KCNQ1OT1: variants seen among roughly 807,000 people sequenced by gnomAD.
KCNQ1OT1 encodes KCNQ1 opposite strand/antisense transcript 1, also known as KCNQ1 antisense RNA 2 (non-protein coding).
At position 2,674,814 on chromosome 11, in the gene KCNQ1OT1, A is replaced by G; in HGVS notation, n.25181T>C. 1 of 359,858 alleles carries G rather than the reference A, an allele frequency of 2.8e-6. No individual in the cohort carries two copies. The highest frequency in any genetic ancestry group is 1.6e-4 in the South Asian group (1 of 6,408). The allele number at this position is 359,858 out of a possible 1,614,324, so 22.3% of individuals were successfully genotyped here. On this transcript the variant is annotated non_coding_transcript_exon_variant, in exon 1 of 1. Coordinates refer to ENST00000597346, the Ensembl canonical transcript of KCNQ1OT1. The surrounding 1 kb of genome is among the most constrained non-coding windows in gnomAD (Gnocchi z 5.9). The stretch of plus-strand genomic sequence containing the variant: ...CTGCTGGCCTTTGGAAAGGCTTGTC[A>G]CCCTAATAGCTGTTTTTTAAAAAAA...
chr11:2,618,358 T>C (rs902032782), exon 1 of KCNQ1OT1: 2 of 398,490 alleles, frequency 5.0e-6, no homozygotes, highest in African/African-American at 4.1e-5. Context: ...CAAATTTGTG[T>C]TGGGCCTCAT....
At chr11:2,675,268 A>G (rs1327664160) in exon 1 of KCNQ1OT1, 1 of 398,506 alleles carries the variant, frequency 2.5e-6, no homozygotes, top group Non-Finnish European at 4.4e-6. Context: ...AAGTGAAGAT[A>G]ACTCACCTCT....
At chr11:2,641,132 G>C (rs149851648) in exon 1 of KCNQ1OT1, 1 of 398,312 alleles carries the variant, frequency 2.5e-6, no homozygotes, top group Non-Finnish European at 4.4e-6. Flanking sequence ...TAAACACGGG[G>C]ATGCAGGTAC....
chr11:2,618,196 G>A, exon 1 of KCNQ1OT1: 1 of 398,440 alleles, frequency 2.5e-6, no homozygotes, highest in South Asian at 1.3e-4. Context: ...TTATTTCTAT[G>A]TATGGTGTAA....
chr11:2,667,930 C>T (rs1850112308), exon 1 of KCNQ1OT1: 4 of 398,696 alleles, frequency 1.0e-5, no homozygotes, highest in Non-Finnish European at 1.8e-5. Context: ...ATGTGTGCAG[C>T]ACCCGGAGGA....
exon 1 of KCNQ1OT1, chr11:2,672,971 C>A: frequency 2.5e-6 from 1 of 398,760 alleles, no homozygotes; most frequent in South Asian, 1.3e-4. Context: ...AGCTGAGTCC[C>A]CTGCAGGCCT....
exon 1 of KCNQ1OT1, chr11:2,631,674 C>G (rs1291702404): frequency 4.8e-5 from 19 of 398,428 alleles, no homozygotes; most frequent in Non-Finnish European, 1.3e-5. Flanking sequence ...TTGAAATCTG[C>G]TCACTTGATG....
At chr11:2,633,229 A>T in exon 1 of KCNQ1OT1, 1 of 398,510 alleles carries the variant, frequency 2.5e-6, no homozygotes, top group Non-Finnish European at 4.4e-6. Context: ...TCTAAATCAG[A>T]TAATCTGGTG....
chr11:2,627,436 C>A lies in KCNQ1OT1; in HGVS notation n.72559G>T, dbSNP rs1353590855. On this transcript the variant is annotated non_coding_transcript_exon_variant, in exon 1 of 1. Coordinates refer to ENST00000597346, the Ensembl canonical transcript of KCNQ1OT1. This position sits in a 1 kb window ranked among gnomAD's most constrained non-coding sequence, Gnocchi z 4.9. ...TTCATCTGATAACTCTATGTTTGTA[C>A]CCTTCAACATTTCCTATTTCCCCTA... 1 of 398,324 alleles carries A rather than the reference C, an allele frequency of 2.5e-6. No individual in the cohort carries two copies. Among genetic ancestry groups the A allele is most frequent in the Non-Finnish European group, 4.4e-6 (1 of 226,010 alleles). 24.7% of individuals were successfully genotyped at this position (398,324 alleles called of 1,614,324 possible).
Position 2,671,741 on chromosome 11 carries a change from G to A in KCNQ1OT1, n.28254C>T. ...GTAGGCAAGGCTTTTCAGAGAACAA[G>A]GAGCTACATACACATACATGCATGC... is the stretch of plus-strand genomic sequence containing the variant. On this transcript the variant is annotated non_coding_transcript_exon_variant, in exon 1 of 1. Coordinates refer to ENST00000597346, the Ensembl canonical transcript of KCNQ1OT1. The surrounding 1 kb of genome is among the most constrained non-coding windows in gnomAD (Gnocchi z 4.7). The A allele has an allele frequency of 2.5e-6, 1 of 398,664 alleles. No individual in the cohort carries two copies. The highest frequency in any genetic ancestry group is 3.6e-5 in the East Asian group (1 of 28,072). The allele number at this position is 398,664 out of a possible 1,614,324, so 24.7% of individuals were successfully genotyped here.
exon 1 of KCNQ1OT1, chr11:2,641,662 TTGTTTTTGTCTG>T: frequency 2.5e-6 from 1 of 398,454 alleles, no homozygotes; most frequent in Non-Finnish European, 4.4e-6. Flanking sequence ...TTGTCTATTT[TTGTTTTTGTCTG>T]TGTTTTTGAG....
At chr11:2,644,613 G>C (rs566601740) in exon 1 of KCNQ1OT1, 1 of 398,422 alleles carries the variant, frequency 2.5e-6, no homozygotes, top group South Asian at 1.3e-4. Flanking sequence ...GTCATGTTTT[G>C]CCTTTTCATG....
chr11:2,675,055 G>T, exon 1 of KCNQ1OT1: 1 of 398,694 alleles, frequency 2.5e-6, no homozygotes, highest in Non-Finnish European at 4.4e-6. Context: ...GGGATGCCAA[G>T]GGCAGAGCCC....
chr11:2,676,603 G>C lies in KCNQ1OT1; in HGVS notation n.23392C>G, dbSNP rs1420846079. 1 of 398,572 alleles carries C rather than the reference G, an allele frequency of 2.5e-6. No homozygotes were observed. The highest frequency in any genetic ancestry group is 2.1e-5 in the African/African-American group (1 of 48,634). The allele number at this position is 398,572 out of a possible 1,614,324, so 24.7% of individuals were successfully genotyped here. ...GGTATTCAACAGCCAGCTCTCCAAA[G>C]AGGCCTCTAAGAAATGGGTAGCTTC... On this transcript the variant is annotated non_coding_transcript_exon_variant, in exon 1 of 1. Coordinates refer to ENST00000597346, the Ensembl canonical transcript of KCNQ1OT1. This position sits in a 1 kb window ranked among gnomAD's most constrained non-coding sequence, Gnocchi z 4.2.
chr11:2,685,204 G>C (rs1358829523), exon 1 of KCNQ1OT1: 1 of 398,486 alleles, frequency 2.5e-6, no homozygotes, highest in Non-Finnish European at 4.4e-6. Flanking sequence ...GGGATGGCTG[G>C]CACAGCTCAC....
chr11:2,649,614 T>G, exon 1 of KCNQ1OT1: 1 of 398,614 alleles, frequency 2.5e-6, no homozygotes, highest in Non-Finnish European at 4.4e-6. Flanking sequence ...CTTGCAGCAC[T>G]TTTAATATGG....
rs1391378874 is a variant in KCNQ1OT1, at chr11:2,621,424, C to G, written n.78571G>C. On this transcript the variant is annotated non_coding_transcript_exon_variant, in exon 1 of 1. Coordinates refer to ENST00000597346, the Ensembl canonical transcript of KCNQ1OT1. The surrounding 1 kb of genome is among the most constrained non-coding windows in gnomAD (Gnocchi z 5.7). ...TTTTGCTTGTTGATTGGTTTAAGTT[C>G]CTTATGGATTCTGGACATAGGACCT... 2.5e-6 allele frequency: 1 copy of G among 398,420 alleles called. No homozygotes were observed. Among genetic ancestry groups the G allele is most frequent in the East Asian group, 3.6e-5 (1 of 28,078 alleles). 24.7% of individuals were successfully genotyped at this position (398,420 alleles called of 1,614,324 possible). A position where few individuals can be genotyped will look rare whatever the true frequency, so the allele number is the denominator to read the frequency against.
chr11:2,643,822 C>A (rs1352300363), exon 1 of KCNQ1OT1: 1 of 398,402 alleles, frequency 2.5e-6, no homozygotes, highest in African/African-American at 2.1e-5. Context: ...AAGGGAAATA[C>A]TTTATTTCTC....
chr11:2,632,688 T>C (rs948559399), exon 1 of KCNQ1OT1: 8 of 398,292 alleles, frequency 2.0e-5, no homozygotes, highest in African/African-American at 1.6e-4. Flanking sequence ...TCCTCCATCT[T>C]TCTGTGCCTA....
Sources: allele counts gnomAD v4.1 joint callset, GRCh38; gene constraint gnomAD v4.1.1; non-coding constraint Gnocchi (gnomAD v3.1); transcripts MANE v1.5; gene names NCBI Gene and HGNC (gene_info 2026-07-23, HGNC 2026-07-21).